Variants in MEF2A observed in about 807,000 individuals in gnomAD.
The protein encoded by MEF2A is myocyte-specific enhancer factor 2A.
Under a neutral mutation model 55.8 loss-of-function variants are expected in MEF2A, and 28 were observed. That is an observed-to-expected ratio of 0.50 (90% CI 0.37 to 0.69). The LOEUF is 0.69. Among genes scored for constraint, MEF2A ranks in the 30% least tolerant of loss-of-function variants. MEF2A has a pLI of 0.00. For missense variants in MEF2A, 528 were observed against 626.2 expected, an observed-to-expected ratio of 0.84 and a Z score of 1.67; for synonymous variants, 239 against 227.1, an observed-to-expected ratio of 1.05 and a Z score of -0.47.
chr15:99,667,955 C>G (rs1398436396), intron 4 of MEF2A, among the ~76,000 whole-genome samples: 1 of 152,070 alleles, frequency 6.6e-6, no homozygotes, highest in African/African-American at 2.4e-5. Flanking sequence ...AGTATCCTTA[C>G]ATAACTAGCG....
chr15:99,639,197 C>T (rs2044441312), intron 3 of MEF2A, among the ~76,000 whole-genome samples: 1 of 151,986 alleles, frequency 6.6e-6, no homozygotes, highest in South Asian at 2.1e-4. Flanking sequence ...TATTTTTATT[C>T]ATAAAGTGAA....
intron 8 of MEF2A, among the ~76,000 whole-genome samples, chr15:99,702,129 G>A (rs1188454935): frequency 2.0e-5 from 3 of 152,244 alleles, no homozygotes; most frequent in African/African-American, 4.8e-5. Flanking sequence ...TTGGAGATAT[G>A]TAAAGATATC....
At chr15:99,698,071 A>T (rs2153751124) in intron 8 of MEF2A, among the ~76,000 whole-genome samples, 1 of 152,326 alleles carries the variant, frequency 6.6e-6, no homozygotes, top group East Asian at 1.9e-4. Flanking sequence ...AAACTTTATT[A>T]AAAAATTAAC....
upstream of MEF2A, chr15:99,565,446 CT>C (rs979492087): frequency 6.7e-6 from 1 of 149,438 alleles, no homozygotes; most frequent in African/African-American, 2.4e-5. Context: ...CACCGGGCCG[CT>C]CCCGGCCTGG....
intron 8 of MEF2A, among the ~76,000 whole-genome samples, chr15:99,691,858 C>G (rs1022647479): frequency 5.3e-5 from 8 of 152,030 alleles, no homozygotes; most frequent in Non-Finnish European, 7.4e-5. Context: ...GCCTCTATTC[C>G]ACTCCTTGAT....
At chr15:99,688,309 A>G (rs949102090) in intron 7 of MEF2A, among the ~76,000 whole-genome samples, 1 of 152,248 alleles carries the variant, frequency 6.6e-6, no homozygotes, top group African/African-American at 2.4e-5. Flanking sequence ...TAAATTGTAT[A>G]GGGGATGTAT....
At chr15:99,667,816 T>C (rs1156476627) in intron 4 of MEF2A, among the ~76,000 whole-genome samples, 1 of 152,234 alleles carries the variant, frequency 6.6e-6, no homozygotes, top group East Asian at 1.9e-4. Context: ...ATCTTCTGTT[T>C]ACAGAGTTGG....
chr15:99,613,312 G>A (rs1350573035), intron 2 of MEF2A, among the ~76,000 whole-genome samples: 2 of 152,176 alleles, frequency 1.3e-5, no homozygotes, highest in Non-Finnish European at 2.9e-5. Flanking sequence ...CTTTTAAATT[G>A]AGAACCACTG....
intron 2 of MEF2A, among the ~76,000 whole-genome samples, chr15:99,603,861 A>G (rs554003320): frequency 9.1e-4 from 138 of 152,288 alleles, no homozygotes; most frequent in Middle Eastern, 6.8e-3. Context: ...GAAGTGTTCA[A>G]TATTCAACTT....
intron 2 of MEF2A, among the ~76,000 whole-genome samples, chr15:99,609,362 T>G (rs1378901825): frequency 2.0e-5 from 3 of 152,242 alleles, no homozygotes; most frequent in African/African-American, 4.8e-5. Flanking sequence ...CTTCATAAAA[T>G]TAGTGTGAGT....
intron 7 of MEF2A, among the ~76,000 whole-genome samples, chr15:99,676,106 CAT>C (rs1235731523): frequency 1.3e-5 from 2 of 150,926 alleles, no homozygotes. Flanking sequence ...AATAAACAAA[CAT>C]CAATAAAGAT....
rs538416510 is a variant in MEF2A at position 99,574,965 on chromosome 15, T to C, written c.-225+8861T>C. Among the ~76,000 whole-genome samples the C allele has an allele frequency of 3.3e-5, 5 of 152,334 alleles. No homozygotes were observed. The South Asian group carries it at 8.3e-4, about 25-fold the overall frequency. ...TCTAACAAGGAAACCTGACATGTTA[T>C]TATCATTAACATATCAGGCATTGTT... On this transcript the variant is annotated intron_variant, in intron 1 of 11. Transcript: ENST00000557942.
chr15:99,637,895 G>A (rs556026649), intron 3 of MEF2A, among the ~76,000 whole-genome samples: 23 of 152,144 alleles, frequency 1.5e-4, no homozygotes, highest in African/African-American at 5.3e-4. Flanking sequence ...TGCCCGCCTC[G>A]GCCTCCCAAA....
At chr15:99,692,354 T>C (rs1463546084) in intron 8 of MEF2A, among the ~76,000 whole-genome samples, 3 of 152,190 alleles carry the variant, frequency 2.0e-5, no homozygotes, top group African/African-American at 4.8e-5. Flanking sequence ...TACAGAAATC[T>C]GGAAACAGTC....
At position 99,714,852 on chromosome 15, in the gene MEF2A, C is replaced by G. The variant is rs1209093494; in HGVS notation, c.*2081C>G. 1 of 116,460 alleles carries G rather than the reference C, an allele frequency of 8.6e-6. No homozygotes were observed. Among genetic ancestry groups the G allele is most frequent in the Non-Finnish European group, 1.6e-5 (1 of 61,788 alleles). 7.2% of individuals were successfully genotyped at this position (116,460 alleles called of 1,614,324 possible). On this transcript the variant is annotated 3_prime_UTR_variant, in exon 12 of 12. Coordinates refer to ENST00000557942, the MANE Select transcript of MEF2A (RefSeq NM_001319206.4). ...ACGTTCCTTTTGACATTTTCCTCAT[C>G]TGCTGTTTGTGACAAGTCATCAGCC...
intron 8 of MEF2A, among the ~76,000 whole-genome samples, chr15:99,701,941 A>G (rs999172855): frequency 6.6e-6 from 1 of 152,224 alleles, no homozygotes; most frequent in Non-Finnish European, 1.5e-5. Flanking sequence ...CATTTTAGCA[A>G]TTGCTTAATA....
At chr15:99,683,912 T>C (rs1421145068) in intron 7 of MEF2A, among the ~76,000 whole-genome samples, 1 of 152,068 alleles carries the variant, frequency 6.6e-6, no homozygotes, top group Non-Finnish European at 1.5e-5. Context: ...CTTATGCCGT[T>C]GCATCCTCAT....
At chr15:99,673,925 G>A (rs1350957725) in intron 5 of MEF2A, among the ~76,000 whole-genome samples, 1 of 151,594 alleles carries the variant, frequency 6.6e-6, no homozygotes, top group African/African-American at 2.4e-5. Flanking sequence ...GAATATTTAT[G>A]ATTTATCAGA....
intron 1 of MEF2A, among the ~76,000 whole-genome samples, chr15:99,570,749 C>G (rs1459218429): frequency 6.6e-6 from 1 of 151,180 alleles, no homozygotes; most frequent in Non-Finnish European, 1.5e-5. Context: ...TGTCCATCTT[C>G]TACATAGAAA....
Sources: allele counts gnomAD v4.1 joint callset (sites outside exome capture counted in the v4.1 genomes callset), GRCh38; gene constraint gnomAD v4.1.1; transcripts MANE v1.5; gene names NCBI Gene and HGNC (gene_info 2026-07-23, HGNC 2026-07-21).